UBASH3B: variants seen among roughly 807,000 people sequenced by gnomAD.
UBASH3B encodes the protein ubiquitin associated and SH3 domain containing B, also known as ubiquitin-associated and SH3 domain-containing protein B.
A neutral mutation model predicts 83.4 loss-of-function variants in UBASH3B; 37 were observed. The observed-to-expected ratio is 0.44, with a 90% CI of 0.34 to 0.58. The LOEUF (loss-of-function observed/expected upper bound fraction) is 0.58, where lower values mean the gene tolerates loss of function less well. UBASH3B is among the 20% of genes least tolerant of loss of function. The pLI, the probability that UBASH3B is intolerant of heterozygous loss-of-function variation, is 0.01. For synonymous variants in UBASH3B, 304 were observed against 318.3 expected (o/e 0.96, Z 0.48); for missense variants, 657 against 827.2 (o/e 0.79, Z 2.52).
intron 1 of UBASH3B, among the ~76,000 whole-genome samples, chr11:122,700,752 C>T (rs1229915530): frequency 6.6e-6 from 1 of 152,198 alleles, no homozygotes; most frequent in Non-Finnish European, 1.5e-5. Flanking sequence ...CCTCCTCGGC[C>T]TCCCAAAGCG....
chr11:122,705,175 A>G (rs1248688703), intron 1 of UBASH3B, among the ~76,000 whole-genome samples: 1 of 152,146 alleles, frequency 6.6e-6, no homozygotes, highest in African/African-American at 2.4e-5. Flanking sequence ...GGCTGGGAGC[A>G]GTGGCTCATG....
At chr11:122,690,235 T>TA (rs1242788141) in intron 1 of UBASH3B, among the ~76,000 whole-genome samples, 8 of 123,148 alleles carry the variant, frequency 6.5e-5, no homozygotes, top group Non-Finnish European at 8.6e-5. Context: ...TATATCCAAT[T>TA]TTATATATAT....
chr11:122,657,747 AC>A (rs1863383041), intron 1 of UBASH3B, among the ~76,000 whole-genome samples: 1 of 152,262 alleles, frequency 6.6e-6, no homozygotes, highest in Non-Finnish European at 1.5e-5. Flanking sequence ...CCTTCCACTG[AC>A]GTCCCAATAC....
chr11:122,730,643 T>C (rs1450327474), intron 1 of UBASH3B, among the ~76,000 whole-genome samples: 1 of 151,878 alleles, frequency 6.6e-6, no homozygotes, highest in Non-Finnish European at 1.5e-5. Context: ...TTGCCCAGGC[T>C]GGAGTGCAAT....
At chr11:122,749,287 G>T (rs955508118) in intron 1 of UBASH3B, among the ~76,000 whole-genome samples, 1 of 152,236 alleles carries the variant, frequency 6.6e-6, no homozygotes, top group African/African-American at 2.4e-5. Context: ...TCTCTGAGCT[G>T]CATTCCAGAG....
intron 1 of UBASH3B, among the ~76,000 whole-genome samples, chr11:122,739,427 G>A (rs1860989188): frequency 6.6e-6 from 1 of 152,076 alleles, no homozygotes; most frequent in South Asian, 2.1e-4. Flanking sequence ...TAATAAAATG[G>A]GAATAATAAG....
chr11:122,733,579 A>G (rs887967959), intron 1 of UBASH3B, among the ~76,000 whole-genome samples: 1 of 152,198 alleles, frequency 6.6e-6, no homozygotes, highest in Non-Finnish European at 1.5e-5. Context: ...TTGACAGACA[A>G]TCTACTTCCC....
At position 122,813,488 on chromosome 11, in the gene UBASH3B, T is replaced by C. The variant is rs1861484871; in HGVS notation, c.*3602T>C. ...ACTCTAAGTAATCCATGTGTTAGAA[T>C]ACAGATGAACCTCCGTTTGATTTCA... On this transcript the variant is annotated 3_prime_UTR_variant, in exon 14 of 14. Transcript: ENST00000284273. 6.6e-6 allele frequency: 1 copy of C among 152,264 alleles called. No homozygotes were observed. The highest frequency in any genetic ancestry group is 2.4e-5 in the African/African-American group (1 of 41,476). The allele number at this position is 152,264 out of a possible 1,614,324, so 9.4% of individuals were successfully genotyped here. A position where few individuals can be genotyped will look rare whatever the true frequency, so the allele number is the denominator to read the frequency against.
At chr11:122,689,073 T>C (rs1256744482) in intron 1 of UBASH3B, among the ~76,000 whole-genome samples, 1 of 152,054 alleles carries the variant, frequency 6.6e-6, no homozygotes, top group Non-Finnish European at 1.5e-5. Context: ...GTGCTGGGAT[T>C]ACAGGTGTGA....
At position 122,806,842 on chromosome 11, in the gene UBASH3B, G is replaced by A. The variant is rs1861349139; in HGVS notation, c.1702+326G>A. ...TGCCACTGTTTTGCCTATAATTGAT[G>A]CAGCGGCATGCACACCTACACACAG... is the stretch of plus-strand genomic sequence containing the variant. On this transcript the variant is annotated intron_variant, in intron 12 of 13. Transcript: ENST00000284273. This position sits in a 1 kb window ranked among gnomAD's most constrained non-coding sequence, Gnocchi z 4.0. Among the ~76,000 whole-genome samples, 1 of 152,130 alleles carries A rather than the reference G, an allele frequency of 6.6e-6. No homozygotes were observed.
At chr11:122,657,749 G>A (rs1036073110) in intron 1 of UBASH3B, among the ~76,000 whole-genome samples, 38 of 152,138 alleles carry the variant, frequency 2.5e-4, no homozygotes, top group Admixed American at 1.8e-3. Flanking sequence ...TTCCACTGAC[G>A]TCCCAATACG....
chr11:122,765,012 T>C (rs1327704949), intron 1 of UBASH3B, among the ~76,000 whole-genome samples: 4 of 139,930 alleles, frequency 2.9e-5, no homozygotes, highest in Admixed American at 6.9e-5. Flanking sequence ...TTCTGCTGCA[T>C]AGAAAAAAAA....
At chr11:122,702,100 G>A (rs2135929508) in intron 1 of UBASH3B, among the ~76,000 whole-genome samples, 1 of 152,264 alleles carries the variant, frequency 6.6e-6, no homozygotes, top group South Asian at 2.1e-4. Context: ...ACTTCTCTAT[G>A]TCTCCCTTAG....
chr11:122,695,152 C>T (rs746198740), intron 1 of UBASH3B, among the ~76,000 whole-genome samples: 10 of 151,654 alleles, frequency 6.6e-5, no homozygotes, highest in South Asian at 2.1e-4. Flanking sequence ...TTCTTAGACA[C>T]GGGGTTTCAC....
intron 1 of UBASH3B, among the ~76,000 whole-genome samples, chr11:122,727,784 G>T (rs1180522896): frequency 1.3e-5 from 2 of 152,146 alleles, no homozygotes; most frequent in Non-Finnish European, 2.9e-5. Flanking sequence ...TCAGTTCTGG[G>T]CTGTGATTCA....
intron 1 of UBASH3B, among the ~76,000 whole-genome samples, chr11:122,741,505 G>T (rs142484004): frequency 6.6e-6 from 1 of 152,138 alleles, no homozygotes; most frequent in Non-Finnish European, 1.5e-5. Flanking sequence ...TAAGATCTAA[G>T]TCAGTTCACA....
intron 1 of UBASH3B, among the ~76,000 whole-genome samples, chr11:122,723,277 A>G (rs953011484): frequency 1.3e-5 from 2 of 152,246 alleles, no homozygotes; most frequent in Non-Finnish European, 2.9e-5. Flanking sequence ...TTTGTTCATC[A>G]CAACACATGA....
intron 1 of UBASH3B, among the ~76,000 whole-genome samples, chr11:122,772,939 A>C (rs1401766698): frequency 6.6e-6 from 1 of 152,244 alleles, no homozygotes; most frequent in African/African-American, 2.4e-5. Flanking sequence ...ACACATGACA[A>C]AACTTCAACA....
At chr11:122,800,960 G>A (rs1192972621) in intron 10 of UBASH3B, among the ~76,000 whole-genome samples, 1 of 152,132 alleles carries the variant, frequency 6.6e-6, no homozygotes, top group Non-Finnish European at 1.5e-5. Flanking sequence ...AGTCAGATAT[G>A]ACTTAAAGCC....
Sources: gnomAD v4.1 joint callset for allele counts (sites outside exome capture counted in the v4.1 genomes callset) on GRCh38, gnomAD v4.1.1 for gene constraint, Gnocchi (gnomAD v3.1) non-coding constraint, MANE v1.5 for transcripts, NCBI Gene and HGNC (gene_info 2026-07-23, HGNC 2026-07-21) for gene names.